The following LEMD1 variants were observed in gnomAD, a reference collection of about 807,000 sequenced individuals.
The protein encoded by LEMD1 is LEM domain-containing protein 1.
In LEMD1, 18 loss-of-function variants were observed where a neutral mutation model predicts 17.4. That is an observed-to-expected ratio of 1.04 (90% CI 0.72 to 1.54). LEMD1 has a LOEUF of 1.54. Among genes scored for constraint, LEMD1 ranks in the 40% most tolerant of loss-of-function variants. The pLI, the probability that LEMD1 is intolerant of heterozygous loss-of-function variation, is 0.00. For missense variants in LEMD1, 195 were observed against 210.4 expected (o/e 0.93, Z 0.45); for synonymous variants, 88 against 77.8 (o/e 1.13, Z -0.69).
chr1:205,405,677 C>T (rs1293311987), intron 4 of LEMD1, among the ~76,000 whole-genome samples: 4 of 152,088 alleles, frequency 2.6e-5, no homozygotes, highest in South Asian at 2.1e-4. Context: ...GTAGTTTGAT[C>T]GTCTGAAGCC....
At chr1:205,444,131 T>TCC (rs35005929) in intron 1 of LEMD1, among the ~76,000 whole-genome samples, 1 of 150,780 alleles carries the variant, frequency 6.6e-6, no homozygotes, top group Non-Finnish European at 1.5e-5. Context: ...CCTCCCATCC[T>TCC]CCCCCTCCTT....
rs1028737937 is a variant in LEMD1, at chr1:205,416,304, A to G, written c.206-8T>C. Reference sequence around the variant, plus strand: ...GCAAAATGATATTAAGCTCTGGATCATGGGAAACAAAAGGAAAATAGGCCA... The same window carrying G: ...GCAAAATGATATTAAGCTCTGGATCGTGGGAAACAAAAGGAAAATAGGCCA... On this transcript the variant is annotated splice_region_variant and splice_polypyrimidine_tract_variant and intron_variant, in intron 3 of 5. Transcript: ENST00000367153. 4 of 1,541,814 alleles carry G rather than the reference A, an allele frequency of 2.6e-6. No homozygotes were observed. The highest frequency in any genetic ancestry group is 3.5e-6 in the Non-Finnish European group (4 of 1,141,232).
intron 1 of LEMD1, chr1:205,435,923 C>T (rs1003378409): frequency 1.3e-5 from 2 of 152,260 alleles, no homozygotes; most frequent in African/African-American, 4.8e-5. Context: ...CACTTTTTCC[C>T]ATCCTCAGGC....
intron 4 of LEMD1, among the ~76,000 whole-genome samples, chr1:205,413,835 G>A (rs1159184012): frequency 2.0e-5 from 3 of 151,774 alleles, no homozygotes; most frequent in Non-Finnish European, 4.4e-5. Flanking sequence ...TGTATTTTTA[G>A]TAGAGACAGG....
chr1:205,411,676 AAAGAAAGAAAGAAAGAAAGAAAAAGG>A (rs1192212857), intron 4 of LEMD1, among the ~76,000 whole-genome samples: 15 of 80,960 alleles, frequency 1.9e-4, no homozygotes, highest in African/African-American at 6.5e-4. Flanking sequence ...GAAAGAAAAG[AAAGAAAGAAAGAAAGAAAGAAAAAGG>A]AAGAAAGAAA....
rs1665489409 is a variant in LEMD1, at chr1:205,412,321, A to C, written c.270+3911T>G. 2.0e-5 allele frequency among the ~76,000 whole-genome samples: 3 copies of C among 152,054 alleles called. No individual in the cohort carries two copies. In the South Asian group the frequency reaches 6.2e-4, roughly 32 times the overall value. On this transcript the variant is annotated intron_variant, in intron 4 of 5. Transcript: ENST00000367153. ...GCCTAGTGTCTTTCTGATGGAAAAA[A>C]TCCCCAATTAAAAAAAAAAATTTGA...
chr1:205,420,563 G>C lies in LEMD1; in HGVS notation c.-27C>G. 6.5e-7 allele frequency: 1 copy of C among 1,537,470 alleles called. No individual in the cohort carries two copies. Among genetic ancestry groups the C allele is most frequent in the Non-Finnish European group, 9.0e-7 (1 of 1,110,438 alleles). On this transcript the variant is annotated 5_prime_UTR_variant, in exon 2 of 6. The change creates a new upstream start codon in the 5' untranslated region. Transcript: ENST00000367153. The stretch of plus-strand genomic sequence containing the variant: ...ATGATAGAAGTTTGGCCTCTTTTCT[G>C]ATGGTAGAATCCTTGAAATAACAAA...
intron 1 of LEMD1, among the ~76,000 whole-genome samples, chr1:205,439,074 G>T (rs1284110587): frequency 6.6e-6 from 1 of 152,140 alleles, no homozygotes; most frequent in Admixed American, 6.5e-5. Flanking sequence ...TTGCAGCCTC[G>T]CAGGTGACCG....
rs1382926356 is a variant in LEMD1, at chr1:205,441,453, C to G, written c.-39+8415G>C. ...AGCCTCCGGCTTGTGCCACCTTACA[C>G]CAGGTTCTAGCTGGGGGCTTCCACT... On this transcript the variant is annotated intron_variant, in intron 1 of 3. Coordinates refer to the LEMD1 transcript ENST00000367154. This position sits in a 1 kb window ranked among gnomAD's most constrained non-coding sequence, Gnocchi z 4.3. Among the ~76,000 whole-genome samples the G allele has an allele frequency of 6.6e-6, 1 of 152,170 alleles. No homozygotes were observed. The highest frequency in any genetic ancestry group is 1.5e-5 in the Non-Finnish European group (1 of 68,016).
intron 1 of LEMD1, chr1:205,435,143 T>C (rs1036232459): frequency 2.0e-5 from 3 of 152,226 alleles, no homozygotes; most frequent in African/African-American, 7.2e-5. Flanking sequence ...TTTACAGAAT[T>C]AATCCAGACC....
chr1:205,388,980 A>T (rs1027458924), intron 4 of LEMD1, among the ~76,000 whole-genome samples: 1 of 151,976 alleles, frequency 6.6e-6, no homozygotes, highest in African/African-American at 2.4e-5. Flanking sequence ...CCAGAGCCAG[A>T]AAGAACAATA....
Position 205,381,798 on chromosome 1 carries a change from C to A in LEMD1, c.406G>T (p.Asp136Tyr), listed in dbSNP as rs1355546191. 6.2e-7 allele frequency: 1 copy of A among 1,614,170 alleles called. No homozygotes were observed. The highest frequency in any genetic ancestry group is 2.2e-5 in the East Asian group (1 of 44,878). Residue 136 changes from aspartate (D) to tyrosine (Y), a missense_variant, in exon 6 of 6, where the codon GAC (aspartate) becomes TAC (tyrosine). Transcript: ENST00000367153. ...ATAGTCTGGTCTTCCGCGCAGTAGT[C>A]TCTCTCTTTGGTGATAGTCCCATAT... is the stretch of plus-strand genomic sequence containing the variant. ...ITYGTITKERDYCAEDQTIES... is the reference protein window; with the variant it reads ...ITYGTITKERYYCAEDQTIES...
chr1:205,404,633 G>A (rs1355969938), intron 4 of LEMD1, among the ~76,000 whole-genome samples: 1 of 152,216 alleles, frequency 6.6e-6, no homozygotes, highest in Admixed American at 6.5e-5. Flanking sequence ...ACAGCACACT[G>A]ATGGCTCTTG....
chr1:205,393,905 A>G (rs1664462930), intron 4 of LEMD1, among the ~76,000 whole-genome samples: 1 of 152,092 alleles, frequency 6.6e-6, no homozygotes, highest in South Asian at 2.1e-4. Flanking sequence ...TTGAACATGA[A>G]TGTTCATAGT....
intron 1 of LEMD1, among the ~76,000 whole-genome samples, chr1:205,447,607 A>G (rs1470782349): frequency 6.6e-6 from 1 of 152,004 alleles, no homozygotes; most frequent in African/African-American, 2.4e-5. Flanking sequence ...GAGTGGCGAC[A>G]GGCATAGGGA....
chr1:205,424,254 C>T (rs1231120331), upstream of LEMD1, among the ~76,000 whole-genome samples: 2 of 152,202 alleles, frequency 1.3e-5, no homozygotes, highest in Non-Finnish European at 2.9e-5. Context: ...AGCCACCTGC[C>T]TCTGAGTCTC....
intron 4 of LEMD1, among the ~76,000 whole-genome samples, chr1:205,401,079 C>G (rs1195515549): frequency 3.3e-5 from 5 of 151,722 alleles, no homozygotes; most frequent in Admixed American, 3.3e-4. Flanking sequence ...GCCACATTTT[C>G]TTAATCCAGT....
chr1:205,444,491 A>AC (rs1355343543), intron 1 of LEMD1, among the ~76,000 whole-genome samples: 5 of 148,858 alleles, frequency 3.4e-5, no homozygotes, highest in Non-Finnish European at 7.4e-5. Flanking sequence ...CCTTGGCCTG[A>AC]CCCCCACATC....
intron 1 of LEMD1, among the ~76,000 whole-genome samples, chr1:205,428,009 T>C (rs1306844872): frequency 1.3e-5 from 2 of 152,176 alleles, no homozygotes; most frequent in African/African-American, 4.8e-5. Flanking sequence ...ATTGGGTGAC[T>C]GGCAACGGGT....
Sources: gnomAD v4.1 joint callset for allele counts (sites outside exome capture counted in the v4.1 genomes callset) on GRCh38, gnomAD v4.1.1 for gene constraint, Gnocchi (gnomAD v3.1) non-coding constraint, MANE v1.5 for transcripts, NCBI Gene and HGNC (gene_info 2026-07-23, HGNC 2026-07-21) for gene names.